DMD: variants seen among roughly 807,000 people sequenced by gnomAD.
DMD encodes the protein mutant dystrophin.
Under a neutral mutation model 330.1 loss-of-function variants are expected in DMD, and 63 were observed. The ratio of observed to expected loss-of-function variants is 0.19; its 90% CI spans 0.16 to 0.24. The LOEUF (loss-of-function observed/expected upper bound fraction) is 0.24, where lower values mean the gene tolerates loss of function less well. Among genes scored for constraint, DMD ranks in the 10% least tolerant of loss-of-function variants. The probability of loss-of-function intolerance (pLI) is 1.00; values close to 1 mark genes in which losing one functional copy is unlikely to be tolerated. For synonymous variants in DMD, 1,223 were observed against 959.8 expected (o/e 1.27, Z -5.07); for missense variants, 3,344 against 2,684.1 (o/e 1.25, Z -5.43).
At chrX:32,207,201 C>T (rs1449019633) in intron 44 of DMD, among the ~76,000 whole-genome samples, 2 of 110,832 alleles carry the variant, frequency 1.8e-5, no homozygotes, top group Non-Finnish European at 3.8e-5. Context: ...AATTTAATTG[C>T]CATTGTGACA....
intron 61 of DMD, among the ~76,000 whole-genome samples, chrX:31,346,195 A>G (rs1016749341): frequency 9.0e-6 from 1 of 111,716 alleles, no homozygotes; most frequent in East Asian, 2.8e-4. Context: ...CAGACTCTGG[A>G]GCCAACTTCT....
At chrX:31,501,308 A>T (rs1414782372) in intron 56 of DMD, among the ~76,000 whole-genome samples, 2 of 111,702 alleles carry the variant, frequency 1.8e-5, no homozygotes, top group Non-Finnish European at 3.8e-5. Flanking sequence ...GCTCAAATAA[A>T]CTCTGCAAAA....
chrX:32,104,827 C>T (rs1435888837), intron 44 of DMD, among the ~76,000 whole-genome samples: 1 of 110,691 alleles, frequency 9.0e-6, no homozygotes, highest in Non-Finnish European at 1.9e-5. Context: ...CCATGAGTCG[C>T]AAGGCTATTA....
chrX:31,718,053 T>G (rs1351178861), intron 52 of DMD, among the ~76,000 whole-genome samples: 1 of 111,928 alleles, frequency 8.9e-6, no homozygotes, highest in Non-Finnish European at 1.9e-5. Flanking sequence ...AGGGTTAGAC[T>G]TAGAGATGGT....
chrX:32,726,163 CTATT>C (rs1163182030), intron 7 of DMD, among the ~76,000 whole-genome samples: 1 of 111,187 alleles, frequency 9.0e-6, no homozygotes, highest in South Asian at 3.7e-4. Flanking sequence ...CTACTATAAA[CTATT>C]TATGACACTG....
intron 2 of DMD, among the ~76,000 whole-genome samples, chrX:32,879,369 G>C (rs2083690418): frequency 8.9e-6 from 1 of 111,785 alleles, no homozygotes; most frequent in South Asian, 3.7e-4. Context: ...AGCTTGTGTT[G>C]CTTATTCACC....
chrX:32,106,495 A>T (rs900192722), intron 44 of DMD, among the ~76,000 whole-genome samples: 1 of 111,871 alleles, frequency 8.9e-6, no homozygotes, highest in African/African-American at 3.2e-5. Flanking sequence ...AAACACTAGG[A>T]TGAGCTTTCT....
chrX:31,366,812 TTCTG>T lies in DMD; in HGVS notation c.9085-18182_9085-18179del, dbSNP rs754763753. Among the ~76,000 whole-genome samples, 933 of 110,183 alleles carry T rather than the reference TTCTG, an allele frequency of 8.5e-3. 10 individuals are homozygous for T. The highest frequency in any genetic ancestry group is 0.028 in the African/African-American group (862 of 30,265). On this transcript the variant is annotated intron_variant, in intron 60 of 78. Coordinates refer to ENST00000357033, the MANE Select transcript of DMD (RefSeq NM_004006.3). The stretch of plus-strand genomic sequence containing the variant: ...CTTTTTTTTTAGCATTTTAGTCTAT[TTCTG>T]TCTGTCTGATTTTTTTCTTCTATTC...
intron 34 of DMD, among the ~76,000 whole-genome samples, chrX:32,375,148 G>A (rs977173726): frequency 9.0e-6 from 1 of 110,788 alleles, no homozygotes; most frequent in African/African-American, 3.3e-5. Flanking sequence ...TTCTCGGTTT[G>A]CGCTATTCAT....
At chrX:31,356,435 C>T (rs2058679923) in intron 60 of DMD, among the ~76,000 whole-genome samples, 1 of 111,005 alleles carries the variant, frequency 9.0e-6, no homozygotes, top group Non-Finnish European at 1.9e-5. Context: ...TACACAGACT[C>T]TGCTGAGGCA....
intron 1 of DMD, among the ~76,000 whole-genome samples, chrX:33,039,635 A>G (rs1464012156): frequency 1.8e-5 from 2 of 111,635 alleles, no homozygotes; most frequent in Non-Finnish European, 3.8e-5. Context: ...ATTAAATTCA[A>G]TTTTTAAAAT....
At chrX:32,692,956 G>C (rs1310410445) in intron 9 of DMD, among the ~76,000 whole-genome samples, 9 of 112,015 alleles carry the variant, frequency 8.0e-5, no homozygotes, top group African/African-American at 2.9e-4. Context: ...ATATGAGTTA[G>C]AAACAGTTTC....
At chrX:31,871,981 G>T (rs1342067160) in intron 48 of DMD, among the ~76,000 whole-genome samples, 3 of 108,749 alleles carry the variant, frequency 2.8e-5, no homozygotes, top group African/African-American at 1.0e-4. Context: ...AAAAAACAAG[G>T]TAAATTATTA....
At chrX:31,699,383 A>T (rs762346987) in intron 52 of DMD, among the ~76,000 whole-genome samples, 11 of 112,520 alleles carry the variant, frequency 9.8e-5, no homozygotes, top group Non-Finnish European at 2.1e-4. Context: ...CAAATGACGT[A>T]TCAATAGCCA....
At chrX:31,487,113 A>G (rs982326855) in intron 57 of DMD, among the ~76,000 whole-genome samples, 6 of 112,266 alleles carry the variant, frequency 5.3e-5, no homozygotes, top group Non-Finnish European at 9.4e-5. Flanking sequence ...AGCAAACAAC[A>G]GAAAGAGAGG....
chrX:32,061,152 T>C (rs1444429164), intron 44 of DMD, among the ~76,000 whole-genome samples: 1 of 111,264 alleles, frequency 9.0e-6, no homozygotes, highest in African/African-American at 3.3e-5. Context: ...AAGAAAGATA[T>C]ACAATTCTTC....
At chrX:32,202,407 A>G (rs2097044819) in intron 44 of DMD, among the ~76,000 whole-genome samples, 1 of 111,569 alleles carries the variant, frequency 9.0e-6, no homozygotes, top group Admixed American at 9.5e-5. Context: ...GCTGGAGTGC[A>G]GTGGCACGAT....
intron 7 of DMD, among the ~76,000 whole-genome samples, chrX:32,731,666 C>A (rs182224964): frequency 4.3e-4 from 48 of 111,873 alleles, no homozygotes; most frequent in Admixed American, 2.8e-4. Flanking sequence ...ACACCTCACA[C>A]GGCAGGGTAC....
chrX:31,561,699 C>T (rs1024893413), intron 55 of DMD, among the ~76,000 whole-genome samples: 1 of 112,399 alleles, frequency 8.9e-6, no homozygotes. Flanking sequence ...ATGGCAGGTA[C>T]TATGCTTATC....
Sources: allele counts gnomAD v4.1 joint callset (sites outside exome capture counted in the v4.1 genomes callset), GRCh38; gene constraint gnomAD v4.1.1; transcripts MANE v1.5; gene names NCBI Gene and HGNC (gene_info 2026-07-23, HGNC 2026-07-21).